LRRTM4: variants seen among roughly 807,000 people sequenced by gnomAD.
LRRTM4 encodes leucine rich repeat transmembrane neuronal 4.
Under a neutral mutation model 47.6 loss-of-function variants are expected in LRRTM4, and 25 were observed. That is an observed-to-expected ratio of 0.53 (90% CI 0.38 to 0.73). The LOEUF (loss-of-function observed/expected upper bound fraction) is 0.73, where lower values mean the gene tolerates loss of function less well. LRRTM4 is among the 30% of genes least tolerant of loss of function. LRRTM4 has a pLI of 0.00. For synonymous variants in LRRTM4, 311 were observed against 269.5 expected (o/e 1.15, Z -1.51); for missense variants, 638 against 713.4 (o/e 0.89, Z 1.20).
At chr2:76,995,753 GTA>G (rs1042213300) in intron 3 of LRRTM4, among the ~76,000 whole-genome samples, 1 of 152,002 alleles carries the variant, frequency 6.6e-6, no homozygotes, top group African/African-American at 2.4e-5. Flanking sequence ...TGTGAACTCT[GTA>G]ACTCCAATAT....
At chr2:77,413,977 G>C (rs758734202) in intron 3 of LRRTM4, among the ~76,000 whole-genome samples, 20 of 152,126 alleles carry the variant, frequency 1.3e-4, no homozygotes, top group Non-Finnish European at 2.6e-4. Context: ...CCTGTAAGCA[G>C]AGTTCACTAC....
At chr2:76,893,444 A>G (rs1673316266) in intron 3 of LRRTM4, among the ~76,000 whole-genome samples, 1 of 151,714 alleles carries the variant, frequency 6.6e-6, no homozygotes, top group Non-Finnish European at 1.5e-5. Context: ...ATAACTAAAT[A>G]AATAATAAAT....
At chr2:77,132,623 C>T (rs575380804) in intron 3 of LRRTM4, among the ~76,000 whole-genome samples, 122 of 152,292 alleles carry the variant, frequency 8.0e-4, no homozygotes, top group African/African-American at 2.6e-3. Context: ...CCAGAGGGGA[C>T]ACGTGCTGTG....
chr2:76,807,899 A>T (rs938859955), intron 3 of LRRTM4, among the ~76,000 whole-genome samples: 5 of 143,304 alleles, frequency 3.5e-5, no homozygotes, highest in Admixed American at 1.4e-4. Context: ...TTTCTTCTTT[A>T]CTTTTCTTTC....
intron 3 of LRRTM4, among the ~76,000 whole-genome samples, chr2:77,318,162 A>G (rs1677673306): frequency 6.6e-6 from 1 of 151,644 alleles, no homozygotes; most frequent in Admixed American, 6.6e-5. Context: ...GCCCGCCACC[A>G]CGCCCCGCTA....
intron 3 of LRRTM4, among the ~76,000 whole-genome samples, chr2:77,082,472 A>T (rs867992608): frequency 1.3e-5 from 2 of 152,090 alleles, no homozygotes; most frequent in Admixed American, 6.5e-5. Context: ...GTAAATTTGT[A>T]CAACTTCTGC....
chr2:77,206,873 T>C (rs1224191342), intron 3 of LRRTM4, among the ~76,000 whole-genome samples: 1 of 152,030 alleles, frequency 6.6e-6, no homozygotes. Flanking sequence ...CAACCTTAAT[T>C]AAGGCAGCGT....
intron 3 of LRRTM4, among the ~76,000 whole-genome samples, chr2:77,399,180 T>G (rs1276310135): frequency 6.6e-6 from 1 of 150,734 alleles, no homozygotes; most frequent in South Asian, 2.1e-4. Flanking sequence ...TTTTTTTTTT[T>G]AATTTTAAAA....
intron 3 of LRRTM4, among the ~76,000 whole-genome samples, chr2:76,933,908 C>A (rs190300505): frequency 6.6e-5 from 10 of 152,134 alleles, no homozygotes; most frequent in Middle Eastern, 3.4e-3. Flanking sequence ...GCTTTCCTTC[C>A]CCATTTTACT....
chr2:76,994,203 C>T (rs1677114636), intron 3 of LRRTM4, among the ~76,000 whole-genome samples: 3 of 151,778 alleles, frequency 2.0e-5, no homozygotes, highest in Admixed American at 6.6e-5. Context: ...GTATCCCAAA[C>T]GTCAGTATCA....
At chr2:77,450,119 C>A (rs1160153958) in intron 3 of LRRTM4, among the ~76,000 whole-genome samples, 1 of 152,084 alleles carries the variant, frequency 6.6e-6, no homozygotes, top group African/African-American at 2.4e-5. Context: ...AAATTTTACT[C>A]ATTGAAGCAT....
intron 3 of LRRTM4, among the ~76,000 whole-genome samples, chr2:77,267,615 G>A (rs1676082383): frequency 6.6e-6 from 1 of 152,130 alleles, no homozygotes; most frequent in African/African-American, 2.4e-5. Flanking sequence ...GAGTTTTGGA[G>A]AGGAAGAAAA....
intron 3 of LRRTM4, among the ~76,000 whole-genome samples, chr2:77,432,684 G>T (rs759081297): frequency 6.6e-6 from 1 of 152,106 alleles, no homozygotes; most frequent in Non-Finnish European, 1.5e-5. Flanking sequence ...GCTAGAGATA[G>T]GTAAAGAGAT....
intron 3 of LRRTM4, among the ~76,000 whole-genome samples, chr2:77,311,925 A>T (rs924863078): frequency 5.3e-5 from 8 of 152,216 alleles, no homozygotes; most frequent in African/African-American, 1.9e-4. Flanking sequence ...GAGGCAAAGC[A>T]TGTGGGGCTT....
intron 3 of LRRTM4, among the ~76,000 whole-genome samples, chr2:77,332,808 G>T (rs1671018579): frequency 6.6e-6 from 1 of 152,024 alleles, no homozygotes; most frequent in South Asian, 2.1e-4. Flanking sequence ...GTTTCAACTT[G>T]TCACAATTGT....
rs143981784 is a variant in LRRTM4, at chr2:76,859,193, C to G, written c.1552-110277G>C. Among the ~76,000 whole-genome samples the G allele has an allele frequency of 2.1e-3, 327 of 152,204 alleles. 1 individual carries two copies. Among genetic ancestry groups the G allele is most frequent in the African/African-American group, 7.5e-3 (310 of 41,532 alleles). On this transcript the variant is annotated intron_variant, in intron 3 of 3. Coordinates refer to ENST00000409884, the MANE Select transcript of LRRTM4 (RefSeq NM_001134745.3). Reference sequence around the variant, plus strand: ...TTAACTTAGGAGGGGGTGAAGGATACTGGTTGAGTGCAAGGGTGTTGGAGT... The same window carrying G: ...TTAACTTAGGAGGGGGTGAAGGATAGTGGTTGAGTGCAAGGGTGTTGGAGT...
intron 3 of LRRTM4, among the ~76,000 whole-genome samples, chr2:77,189,510 T>A (rs531628819): frequency 8.5e-5 from 13 of 152,264 alleles, no homozygotes; most frequent in African/African-American, 3.1e-4. Context: ...ATGAGTGGGA[T>A]TAGTGCTCTT....
intron 3 of LRRTM4, among the ~76,000 whole-genome samples, chr2:76,888,592 A>G (rs947983563): frequency 4.6e-5 from 7 of 151,830 alleles, no homozygotes; most frequent in African/African-American, 1.4e-4. Context: ...TAATAGATAT[A>G]CTTTGCAATT....
chr2:77,451,948 A>G (rs1356312719), intron 3 of LRRTM4, among the ~76,000 whole-genome samples: 1 of 152,138 alleles, frequency 6.6e-6, no homozygotes, highest in Non-Finnish European at 1.5e-5. Flanking sequence ...TTTAAAGGTA[A>G]AATTACTAAT....
Sources: allele counts gnomAD v4.1 joint callset (sites outside exome capture counted in the v4.1 genomes callset), GRCh38; gene constraint gnomAD v4.1.1; transcripts MANE v1.5; gene names NCBI Gene and HGNC (gene_info 2026-07-23, HGNC 2026-07-21).